MYOCD: variants seen among roughly 807,000 people sequenced by gnomAD.
The protein encoded by MYOCD is myocardin.
A neutral mutation model predicts 96.1 loss-of-function variants in MYOCD; 32 were observed. The ratio of observed to expected loss-of-function variants is 0.33; its 90% CI spans 0.25 to 0.45. The LOEUF (loss-of-function observed/expected upper bound fraction) is 0.45. Ranked by LOEUF, MYOCD falls within the 20% of genes least tolerant of loss-of-function variation. The pLI, the probability that MYOCD is intolerant of heterozygous loss-of-function variation, is 1.00. For missense variants in MYOCD, 1,133 were observed against 1,200.6 expected, an observed-to-expected ratio of 0.94 and a Z score of 0.83; for synonymous variants, 469 against 469.0, an observed-to-expected ratio of 1.00 and a Z score of 0.00.
At chr17:12,700,389 C>G (rs2031005949) in intron 1 of MYOCD, among the ~76,000 whole-genome samples, 1 of 129,740 alleles carries the variant, frequency 7.7e-6, no homozygotes, top group African/African-American at 3.1e-5. Context: ...CTAACTCTAG[C>G]AATGGGAGAA....
chr17:12,679,348 A>G (rs189607227), intron 1 of MYOCD, among the ~76,000 whole-genome samples: 5 of 152,318 alleles, frequency 3.3e-5, no homozygotes, highest in Non-Finnish European at 5.9e-5. Context: ...GCATAGGGAT[A>G]GCAAAGGAAT....
intron 11 of MYOCD, among the ~76,000 whole-genome samples, chr17:12,757,497 T>A (rs2033045672): frequency 6.6e-6 from 1 of 152,086 alleles, no homozygotes; most frequent in Non-Finnish European, 1.5e-5. Context: ...ATTTTTTATT[T>A]ATTATTTATT....
chr17:12,690,457 A>G (rs1479616164), intron 1 of MYOCD, among the ~76,000 whole-genome samples: 1 of 152,168 alleles, frequency 6.6e-6, no homozygotes, highest in Non-Finnish European at 1.5e-5. Context: ...TTACAGGAAA[A>G]AGGGATTAAA....
chr17:12,747,389 G>T (rs1242239650), intron 9 of MYOCD, among the ~76,000 whole-genome samples: 1 of 151,902 alleles, frequency 6.6e-6, no homozygotes, highest in Non-Finnish European at 1.5e-5. Context: ...AGAATGAGGA[G>T]TTGATGTGAA....
chr17:12,707,120 G>T (rs773369977), intron 2 of MYOCD, among the ~76,000 whole-genome samples: 5 of 152,154 alleles, frequency 3.3e-5, no homozygotes, highest in Admixed American at 1.3e-4. Context: ...TTCACCTGCT[G>T]ATGGTTAGCC....
chr17:12,724,031 T>C (rs906597903), intron 5 of MYOCD, among the ~76,000 whole-genome samples: 12 of 152,176 alleles, frequency 7.9e-5, no homozygotes, highest in African/African-American at 2.4e-4. Flanking sequence ...TGTCAGTGTC[T>C]ACTTAAATAT....
rs1160331632 is a variant in MYOCD at position 12,744,422 on chromosome 17, C to G, written c.957C>G (p.His319Gln). 1 of 1,611,178 alleles carries G rather than the reference C, an allele frequency of 6.2e-7. No homozygotes were observed. Among genetic ancestry groups the G allele is most frequent in the African/African-American group, 1.3e-5 (1 of 74,816 alleles). ...ACCGATTCAGCTACCTAGGGATGCA[C>G]CAAGCTCAGCTTAAGTAAGTCCGGC... Reference protein sequence around the residue: ...QQHRFSYLGMHQAQLKEPNEQ... With the variant: ...QQHRFSYLGMQQAQLKEPNEQ... Residue 319 changes from histidine to glutamine, a missense_variant, in exon 8 of 14, where the codon CAC becomes CAG. His to Gln is a conservative substitution (Grantham distance 24). Coordinates refer to ENST00000425538, the MANE Select transcript of MYOCD (RefSeq NM_001146312.3).
Position 12,752,711 on chromosome 17 carries a change from T to A in MYOCD, c.1423T>A (p.Phe475Ile). Reference protein sequence around the residue: ...LSVAGSLPDTFNDASPSFGLH... With the variant: ...LSVAGSLPDTINDASPSFGLH... ...AGTCGCTGGGTCCCTGCCGGACACC[T>A]TCAATGATGCCTCCCCCTCCTTCGG... is the stretch of plus-strand genomic sequence containing the variant. The change falls in exon 10 of 14, where the codon TTC becomes ATC. Residue 475 changes from phenylalanine to isoleucine, a missense_variant. By Grantham distance (21) the Phe-to-Ile change is conservative. Coordinates refer to ENST00000425538, the MANE Select transcript of MYOCD (RefSeq NM_001146312.3). 6.2e-7 allele frequency: 1 copy of A among 1,614,162 alleles called. No individual in the cohort carries two copies. Among genetic ancestry groups the A allele is most frequent in the Non-Finnish European group, 8.5e-7 (1 of 1,180,010 alleles).
chr17:12,711,116 T>C (rs1281094039), intron 2 of MYOCD, among the ~76,000 whole-genome samples: 1 of 152,180 alleles, frequency 6.6e-6, no homozygotes, highest in East Asian at 1.9e-4. Context: ...AAGACTATCA[T>C]TGGAGTACTG....
intron 5 of MYOCD, among the ~76,000 whole-genome samples, chr17:12,733,294 A>T (rs1178460186): frequency 6.9e-6 from 1 of 144,682 alleles, no homozygotes; most frequent in Non-Finnish European, 1.5e-5. Flanking sequence ...TGGGCAACAG[A>T]GCAAGACTCC....
At chr17:12,757,000 C>A (rs949789424) in intron 11 of MYOCD, among the ~76,000 whole-genome samples, 2 of 152,190 alleles carry the variant, frequency 1.3e-5, no homozygotes, top group East Asian at 3.9e-4. Flanking sequence ...ACTAAAATGG[C>A]CATATGTTTG....
At chr17:12,676,295 A>G (rs989522894) in intron 1 of MYOCD, among the ~76,000 whole-genome samples, 21 of 146,144 alleles carry the variant, frequency 1.4e-4, no homozygotes, top group Non-Finnish European at 2.6e-4. Context: ...ACACACACAG[A>G]AATGTCTTGA....
At chr17:12,751,761 G>A (rs1018447221) in intron 9 of MYOCD, among the ~76,000 whole-genome samples, 9 of 152,212 alleles carry the variant, frequency 5.9e-5, no homozygotes, top group African/African-American at 1.9e-4. Context: ...TGGTCTTATC[G>A]CCACATACTC....
intron 1 of MYOCD, among the ~76,000 whole-genome samples, chr17:12,679,790 T>C (rs1421074916): frequency 6.6e-6 from 1 of 152,196 alleles, no homozygotes; most frequent in East Asian, 1.9e-4. Context: ...ATGTTTACAA[T>C]GCAAGAAGGA....
rs2032339609 is a variant in MYOCD, at chr17:12,736,271, G to T, written c.526G>T (p.Ala176Ser). ...TCGAAGTGAAGACCCCCAAAACTCA[G>T]CGGGATCCCCGCCAGACGCTAAAGC... ...QTRSEDPQNS[A>S]GSPPDAKASD... Residue 176 changes from alanine (A) to serine (S), a missense_variant, in exon 6 of 14, where the codon GCG (alanine) becomes TCG (serine). Coordinates refer to ENST00000425538, the MANE Select transcript of MYOCD (RefSeq NM_001146312.3). The T allele has an allele frequency of 1.9e-6, 3 of 1,614,202 alleles. No individual in the cohort carries two copies. The highest frequency in any genetic ancestry group is 2.5e-6 in the Non-Finnish European group (3 of 1,180,028).
At chr17:12,697,965 C>T (rs1420920694) in intron 1 of MYOCD, among the ~76,000 whole-genome samples, 1 of 152,084 alleles carries the variant, frequency 6.6e-6, no homozygotes, top group Non-Finnish European at 1.5e-5. Context: ...ATACCAAATT[C>T]CGTATGCAGG....
chr17:12,762,739 TGGC>T (rs1322547761), intron 13 of MYOCD: 1 of 224,074 alleles, frequency 4.5e-6, no homozygotes, highest in African/African-American at 2.3e-5. Context: ...GGCAATGGCA[TGGC>T]GCCTGGTCCC....
At chr17:12,685,546 C>T (rs143512492) in intron 1 of MYOCD, among the ~76,000 whole-genome samples, 288 of 150,614 alleles carry the variant, frequency 1.9e-3, no homozygotes, top group Non-Finnish European at 3.1e-3. Context: ...GCGGAGGTTG[C>T]GGTGAGCCAA....
intron 1 of MYOCD, among the ~76,000 whole-genome samples, chr17:12,673,969 T>A (rs1328001409): frequency 6.6e-5 from 10 of 152,318 alleles, no homozygotes; most frequent in Non-Finnish European, 8.8e-5. Flanking sequence ...CTTTGGAAAC[T>A]TCCATGTGGT....
Sources: gnomAD v4.1 joint callset for allele counts (sites outside exome capture counted in the v4.1 genomes callset) on GRCh38, gnomAD v4.1.1 for gene constraint, MANE v1.5 for transcripts, NCBI Gene and HGNC (gene_info 2026-07-23, HGNC 2026-07-21) for gene names.